Variants in STOX2 observed in about 807,000 individuals in gnomAD.
STOX2 encodes the protein storkhead box 2.
A neutral mutation model predicts 60.9 loss-of-function variants in STOX2; 28 were observed. The observed-to-expected ratio is 0.46, with a 90% CI of 0.34 to 0.63. The LOEUF (loss-of-function observed/expected upper bound fraction) is 0.63. STOX2 is among the 30% of genes least tolerant of loss of function. STOX2 has a pLI of 0.01. For missense variants in STOX2, 1,024 were observed against 1,187.7 expected (o/e 0.86, Z 2.03); for synonymous variants, 472 against 463.9 (o/e 1.02, Z -0.22).
rs1254191377 is a variant in STOX2, at chr4:183,856,034, G to C, written c.364+57979G>C. On this transcript the variant is annotated intron_variant, in intron 1 of 2. Transcript: ENST00000513034. The surrounding 1 kb of genome is among the most constrained non-coding windows in gnomAD (Gnocchi z 4.0). Reference sequence around the variant, plus strand: ...GCAGCTGCCCTGGCCTGTCTCCTCTGAGTTCGCTTCCAGCCTAGGTCTCAT... The same window carrying C: ...GCAGCTGCCCTGGCCTGTCTCCTCTCAGTTCGCTTCCAGCCTAGGTCTCAT... Among the ~76,000 whole-genome samples the C allele has an allele frequency of 6.6e-6, 1 of 152,186 alleles. No individual in the cohort carries two copies. Among genetic ancestry groups the C allele is most frequent in the Non-Finnish European group, 1.5e-5 (1 of 68,038 alleles).
At chr4:183,981,215 GA>G (rs2111188338) in intron 1 of STOX2, among the ~76,000 whole-genome samples, 1 of 152,272 alleles carries the variant, frequency 6.6e-6, no homozygotes, top group African/African-American at 2.4e-5. Flanking sequence ...GTAAATTTGG[GA>G]AAGTAATATT....
At chr4:183,996,652 G>A (rs1389815974) in intron 1 of STOX2, among the ~76,000 whole-genome samples, 1 of 152,154 alleles carries the variant, frequency 6.6e-6, no homozygotes, top group East Asian at 1.9e-4. Flanking sequence ...ATGTTGTGTT[G>A]AGAGATACCT....
At chr4:183,983,130 A>C (rs1310554608) in intron 1 of STOX2, among the ~76,000 whole-genome samples, 1 of 152,098 alleles carries the variant, frequency 6.6e-6, no homozygotes, top group African/African-American at 2.4e-5. Flanking sequence ...GTCTCTGTTC[A>C]TACTGCCTTG....
intron 1 of STOX2, among the ~76,000 whole-genome samples, chr4:183,832,762 T>G (rs1739603159): frequency 6.6e-6 from 1 of 152,162 alleles, no homozygotes; most frequent in South Asian, 2.1e-4. Context: ...AGTGCTGGGA[T>G]TAGAGGCGTG....
rs1740533153 is a variant in STOX2, at chr4:183,865,068, C to G, written c.364+67013C>G. 1.3e-5 allele frequency among the ~76,000 whole-genome samples: 2 copies of G among 152,176 alleles called. No individual in the cohort carries two copies. The highest frequency in any genetic ancestry group is 4.8e-5 in the African/African-American group (2 of 41,446). ...CCATCACAATCCACAAAGAATCTCT[C>G]TTAGAGCTGTTATCATCTGTACCCT... On this transcript the variant is annotated intron_variant, in intron 1 of 2. Transcript: ENST00000513034. This position sits in a 1 kb window ranked among gnomAD's most constrained non-coding sequence, Gnocchi z 4.1.
intron 1 of STOX2, among the ~76,000 whole-genome samples, chr4:183,959,221 C>G (rs1743343675): frequency 6.6e-6 from 1 of 152,034 alleles, no homozygotes; most frequent in South Asian, 2.1e-4. Flanking sequence ...TCTTTCTACT[C>G]TGTTAAATGT....
chr4:183,951,674 T>C (rs1334861505), intron 1 of STOX2, among the ~76,000 whole-genome samples: 2 of 150,972 alleles, frequency 1.3e-5, no homozygotes, highest in Non-Finnish European at 2.9e-5. Flanking sequence ...GTGCGGTGGC[T>C]CACGCCTGTA....
At chr4:183,808,352 T>A (rs925437461) in intron 1 of STOX2, among the ~76,000 whole-genome samples, 7 of 152,158 alleles carry the variant, frequency 4.6e-5, no homozygotes, top group African/African-American at 1.2e-4. Flanking sequence ...CTGTCCTGGG[T>A]TGGTCGTGAT....
intron 1 of STOX2, among the ~76,000 whole-genome samples, chr4:183,831,192 A>T (rs1739559292): frequency 6.6e-6 from 1 of 152,100 alleles, no homozygotes; most frequent in East Asian, 1.9e-4. Flanking sequence ...GGTCTACAGG[A>T]GAGAAGACGA....
At chr4:183,957,444 C>A (rs573150491) in intron 1 of STOX2, among the ~76,000 whole-genome samples, 4 of 152,184 alleles carry the variant, frequency 2.6e-5, no homozygotes, top group African/African-American at 9.6e-5. Context: ...TATTCGAATT[C>A]GATAGTTTCT....
chr4:183,836,929 C>T lies in STOX2; in HGVS notation c.364+38874C>T, dbSNP rs193102499. On this transcript the variant is annotated intron_variant, in intron 1 of 2. Coordinates refer to the STOX2 transcript ENST00000513034. The surrounding 1 kb of genome is among the most constrained non-coding windows in gnomAD (Gnocchi z 4.1). ...CTTTTATATAATAATTCCAGGAAGA[C>T]GGTGTTTTGAGTTCCTACTGTGTGC... Among the ~76,000 whole-genome samples the T allele has an allele frequency of 4.2e-4, 64 of 152,304 alleles. No homozygotes were observed. The highest frequency in any genetic ancestry group is 3.5e-3 in the East Asian group (18 of 5,176).
chr4:183,958,083 T>G (rs1297018360), intron 1 of STOX2, among the ~76,000 whole-genome samples: 5 of 149,952 alleles, frequency 3.3e-5, no homozygotes, highest in Non-Finnish European at 7.4e-5. Flanking sequence ...CAACCCAAGA[T>G]CGTGAATAAG....
At chr4:183,947,079 T>G (rs550271813) in intron 1 of STOX2, among the ~76,000 whole-genome samples, 331 of 38,478 alleles carry the variant, frequency 8.6e-3, no homozygotes, top group African/African-American at 0.011. Context: ...GGTATCCTGG[T>G]GGGGGGTGGG....
rs116330613 is a variant in STOX2, at chr4:183,964,345, A to G, written c.167-36980A>G. On this transcript the variant is annotated intron_variant, in intron 1 of 3. Transcript: ENST00000308497. ...ATTTTACACATTGTGTGGTTGTAGTATGTCAAATCCTTTTTTATTTGGAGC... is the reference window on the plus strand; with the variant it reads ...ATTTTACACATTGTGTGGTTGTAGTGTGTCAAATCCTTTTTTATTTGGAGC... Among the ~76,000 whole-genome samples, 268 of 152,324 alleles carry G rather than the reference A, an allele frequency of 1.8e-3. 3 individuals are homozygous for G. Among genetic ancestry groups the G allele is most frequent in the African/African-American group, 6.2e-3 (258 of 41,576 alleles).
chr4:183,843,920 A>G (rs539632431), intron 1 of STOX2, among the ~76,000 whole-genome samples: 3 of 152,286 alleles, frequency 2.0e-5, no homozygotes, highest in East Asian at 3.9e-4. Flanking sequence ...TTAATTTTTT[A>G]TACGTAAATC....
intron 1 of STOX2, among the ~76,000 whole-genome samples, chr4:183,887,260 G>A (rs12511886): frequency 0.53 from 77,271 of 146,886 alleles, 20,556 homozygotes; most frequent in East Asian, 0.66. Context: ...ATGAGACTCC[G>A]CCTGAAAGAA....
chr4:183,967,175 C>G (rs1179930791), intron 1 of STOX2, among the ~76,000 whole-genome samples: 6 of 151,942 alleles, frequency 3.9e-5, no homozygotes, highest in Admixed American at 3.3e-4. Flanking sequence ...CCAGCCCGAC[C>G]AACACGGAGA....
intron 1 of STOX2, among the ~76,000 whole-genome samples, chr4:183,802,643 T>C (rs552276180): frequency 9.1e-4 from 139 of 151,998 alleles, no homozygotes; most frequent in Non-Finnish European, 1.6e-3. Flanking sequence ...TCTCGCTCTG[T>C]CGCCCAGGCT....
At chr4:183,873,885 A>G (rs1740752588) in intron 1 of STOX2, among the ~76,000 whole-genome samples, 1 of 152,212 alleles carries the variant, frequency 6.6e-6, no homozygotes, top group African/African-American at 2.4e-5. Context: ...TTGTAACTCC[A>G]GTGCTCTGTC....
Sources: gnomAD v4.1 joint callset for allele counts (sites outside exome capture counted in the v4.1 genomes callset) on GRCh38, gnomAD v4.1.1 for gene constraint, Gnocchi (gnomAD v3.1) non-coding constraint, MANE v1.5 for transcripts, NCBI Gene and HGNC (gene_info 2026-07-23, HGNC 2026-07-21) for gene names.